TBCE: variants seen among roughly 807,000 people sequenced by gnomAD.
TBCE encodes the protein tubulin-specific chaperone E.
In TBCE, 53 loss-of-function variants were observed where a neutral mutation model predicts 77.0. The observed-to-expected ratio is 0.69, with a 90% CI of 0.55 to 0.87. The LOEUF (loss-of-function observed/expected upper bound fraction) is 0.87. Ranked by LOEUF, TBCE falls within the 40% of genes least tolerant of loss-of-function variation. The pLI, the probability that TBCE is intolerant of heterozygous loss-of-function variation, is 0.00. For missense variants in TBCE, 624 were observed against 622.4 expected (o/e 1.00, Z -0.03); for synonymous variants, 235 against 241.3 (o/e 0.97, Z 0.24).
intron 2 of TBCE, among the ~76,000 whole-genome samples, chr1:235,390,717 T>C (rs541631170): frequency 1.8e-3 from 251 of 142,166 alleles, no homozygotes; most frequent in Non-Finnish European, 3.2e-3. Context: ...GCTGAGATCG[T>C]GCCATTGCAC....
At chr1:235,404,053 C>T (rs1267151644) in intron 3 of TBCE, among the ~76,000 whole-genome samples, 1 of 152,094 alleles carries the variant, frequency 6.6e-6, no homozygotes. Flanking sequence ...CCAAGGCAGG[C>T]GGATCACGAG....
At chr1:235,430,838 T>G (rs752033940) in intron 7 of TBCE, 34 bp downstream of exon 7, 1 of 1,549,730 alleles carries the variant, frequency 6.5e-7, no homozygotes, top group Non-Finnish European at 8.9e-7. Flanking sequence ...TACACATTAA[T>G]AAGCAATTAA....
rs986594865 is a variant in TBCE at position 235,433,417 on chromosome 1, T to G, written c.661-787T>G. On this transcript the variant is annotated intron_variant, in intron 7 of 16. Transcript: ENST00000642610. ...TTGTATTTTTAGTAGAGATGGGTTTTCACCACGTTGGCCAGGCTGTTCTCA... is the reference window on the plus strand; with the variant it reads ...TTGTATTTTTAGTAGAGATGGGTTTGCACCACGTTGGCCAGGCTGTTCTCA... The G allele has an allele frequency of 4.1e-4, 67 of 163,244 alleles. 1 individual carries two copies. Among genetic ancestry groups the G allele is most frequent in the Middle Eastern group, 2.6e-3 (1 of 378 alleles). The allele number at this position is 163,244 out of a possible 1,614,324, so 10.1% of individuals were successfully genotyped here.
chr1:235,393,562 CTTA>C (rs1387625393), intron 2 of TBCE, among the ~76,000 whole-genome samples: 2 of 151,776 alleles, frequency 1.3e-5, no homozygotes, highest in Admixed American at 1.3e-4. Flanking sequence ...TTGATTATAT[CTTA>C]TTATTGTTGT....
intron 7 of TBCE, chr1:235,432,938 A>T: frequency 4.7e-6 from 6 of 1,272,370 alleles, no homozygotes; most frequent in African/African-American, 1.6e-5. Context: ...GTAAAAAAAA[A>T]AAATTAGGCT....
intron 2 of TBCE, among the ~76,000 whole-genome samples, chr1:235,389,629 C>G (rs375326917): frequency 1.3e-5 from 2 of 151,934 alleles, no homozygotes; most frequent in Non-Finnish European, 2.9e-5. Flanking sequence ...CCACGCCTGG[C>G]CTGCATTTAG....
In TBCE at chr1:235,439,846, G is replaced by A. The variant is rs560035224; in HGVS notation, c.1270+924G>A. ...AGACAGAGTCTTGCTCTGTCACCCA[G>A]GCTGGAGTGCAGTGGCACAATCTCA... On this transcript the variant is annotated intron_variant, in intron 13 of 16. Coordinates refer to ENST00000642610, the MANE Select transcript of TBCE (RefSeq NM_003193.5). Among the ~76,000 whole-genome samples the A allele has an allele frequency of 6.1e-3, 925 of 151,916 alleles. 10 individuals are homozygous for A. Among genetic ancestry groups the A allele is most frequent in the African/African-American group, 0.021 (874 of 41,458 alleles).
In TBCE at chr1:235,451,472, C is replaced by CAAAAAAAAAAAAAAAAAAA. The variant is rs11464279; in HGVS notation, c.*2712_*2730dup. On this transcript the variant is annotated 3_prime_UTR_variant, in exon 17 of 17. Coordinates refer to ENST00000642610, the MANE Select transcript of TBCE (RefSeq NM_003193.5). The stretch of plus-strand genomic sequence containing the variant: ...AGTTTCCAAAGACATGAGATGGTCA[C>CAAAAAAAAAAAAAAAAAAA]AAAAAAAAAAAAAAAAAAAAGACCG... 1.2e-5 allele frequency: 1 copy of CAAAAAAAAAAAAAAAAAAA among 83,064 alleles called. No individual in the cohort carries two copies. Among genetic ancestry groups the CAAAAAAAAAAAAAAAAAAA allele is most frequent in the Non-Finnish European group, 2.3e-5 (1 of 42,964 alleles). The allele number at this position is 83,064 out of a possible 1,614,324, so 5.1% of individuals were successfully genotyped here.
At chr1:235,425,732 G>T (rs1680673372) in intron 5 of TBCE, among the ~76,000 whole-genome samples, 1 of 151,972 alleles carries the variant, frequency 6.6e-6, no homozygotes. Context: ...TCACACAGGC[G>T]CTGGCGGTCC....
At chr1:235,439,021 C>T in intron 13 of TBCE, 99 bp downstream of exon 13, 1 of 1,538,540 alleles carries the variant, frequency 6.5e-7, no homozygotes, top group South Asian at 1.1e-5. Flanking sequence ...TTGCTTTTGC[C>T]CTTCTTCCTT....
chr1:235,388,063 G>A (rs1678133979), intron 2 of TBCE, among the ~76,000 whole-genome samples: 1 of 152,082 alleles, frequency 6.6e-6, no homozygotes, highest in Non-Finnish European at 1.5e-5. Context: ...ATTTGTAAAT[G>A]GGAAGAGAAA....
At chr1:235,442,007 A>ATT (rs1256601287) in intron 14 of TBCE, 125 bp downstream of exon 14, 96 of 830,288 alleles carry the variant, frequency 1.2e-4, no homozygotes, top group Middle Eastern at 7.5e-4. Flanking sequence ...TTTAAATGAA[A>ATT]ATTTTTTTTT....
chr1:235,370,156 G>A (rs1676819446), intron 1 of TBCE, among the ~76,000 whole-genome samples: 1 of 151,818 alleles, frequency 6.6e-6, no homozygotes, highest in South Asian at 2.1e-4. Flanking sequence ...GACATGCCAT[G>A]TGATAGAGTC....
chr1:235,436,627 A>G lies in TBCE; in HGVS notation c.963+19A>G, dbSNP rs758304760. On this transcript the variant is annotated intron_variant, in intron 11 of 16. Transcript: ENST00000642610. ...ATCACAAGTAAGAGCTGCTCGGAGT[A>G]TGCCCAGCACACTGTTGCCTCTTTC... is the stretch of plus-strand genomic sequence containing the variant. The G allele has an allele frequency of 7.0e-5, 112 of 1,606,660 alleles. No individual in the cohort carries two copies. The highest frequency in any genetic ancestry group is 9.5e-5 in the Non-Finnish European group (111 of 1,173,284).
rs145648120 is a variant in TBCE, at chr1:235,392,099, A to T, written c.101-9404A>T. 5.4e-3 allele frequency among the ~76,000 whole-genome samples: 828 copies of T among 152,146 alleles called. 8 individuals are homozygous for T. Among genetic ancestry groups the T allele is most frequent in the African/African-American group, 0.019 (804 of 41,534 alleles). The stretch of plus-strand genomic sequence containing the variant: ...CACTTTGGGAGGCTGAAGAGGGAGG[A>T]TTGCTTGAGCTCAGGAGTTTGAGAC... On this transcript the variant is annotated intron_variant, in intron 2 of 16. Transcript: ENST00000642610.
At chr1:235,429,087 C>G (rs1010760928) in intron 6 of TBCE, 3 of 147,866 alleles carry the variant, frequency 2.0e-5, no homozygotes, top group African/African-American at 7.6e-5. Context: ...TTCCCGGGTT[C>G]AAGGGATTCT....
At chr1:235,404,955 C>T (rs973569964) in intron 3 of TBCE, among the ~76,000 whole-genome samples, 4 of 148,274 alleles carry the variant, frequency 2.7e-5, no homozygotes, top group African/African-American at 5.0e-5. Context: ...CCACCATGCC[C>T]GGTACTTTTT....
At chr1:235,369,319 C>T (rs554761728) in intron 1 of TBCE, among the ~76,000 whole-genome samples, 2 of 150,592 alleles carry the variant, frequency 1.3e-5, no homozygotes, top group East Asian at 2.0e-4. Context: ...CCATCCTGGC[C>T]AACATGGTGA....
At chr1:235,376,645 CA>C (rs932061426) in intron 1 of TBCE, among the ~76,000 whole-genome samples, 3 of 152,064 alleles carry the variant, frequency 2.0e-5, no homozygotes, top group Non-Finnish European at 4.4e-5. Flanking sequence ...ATAAATTCCC[CA>C]TGCCTGGTCT....
Sources: gnomAD v4.1 joint callset for allele counts (sites outside exome capture counted in the v4.1 genomes callset) on GRCh38, gnomAD v4.1.1 for gene constraint, MANE v1.5 for transcripts, NCBI Gene and HGNC (gene_info 2026-07-23, HGNC 2026-07-21) for gene names.